The following SLC4A4 variants were observed in gnomAD, a reference collection of about 807,000 sequenced individuals.
SLC4A4 encodes the protein electrogenic sodium bicarbonate cotransporter 1.
A neutral mutation model predicts 111.5 loss-of-function variants in SLC4A4; 27 were observed. That is an observed-to-expected ratio of 0.24 (90% CI 0.18 to 0.33). The LOEUF (loss-of-function observed/expected upper bound fraction) is 0.33. SLC4A4 is among the 10% of genes least tolerant of loss of function. The pLI, the probability that SLC4A4 is intolerant of heterozygous loss-of-function variation, is 1.00. For synonymous variants in SLC4A4, 443 were observed against 463.4 expected (o/e 0.96, Z 0.57); for missense variants, 909 against 1,315.5 (o/e 0.69, Z 4.78).
chr4:71,545,036 T>C (rs1735397303), intron 18 of SLC4A4, among the ~76,000 whole-genome samples: 1 of 152,056 alleles, frequency 6.6e-6, no homozygotes, highest in Admixed American at 6.6e-5. Context: ...ACCTCTGCCC[T>C]CCTTTCCTCT....
intron 16 of SLC4A4, among the ~76,000 whole-genome samples, chr4:71,511,208 G>A (rs751296647): frequency 1.3e-5 from 2 of 151,996 alleles, no homozygotes; most frequent in Admixed American, 6.6e-5. Flanking sequence ...TTATCAGTGA[G>A]TTTTATACTT....
chr4:71,135,409 C>G (rs899281966), intron 2 of SLC4A4, among the ~76,000 whole-genome samples: 1 of 151,164 alleles, frequency 6.6e-6, no homozygotes, highest in East Asian at 2.0e-4. Context: ...GGTTCTCCTG[C>G]CTCAGCCTCC....
At chr4:71,291,678 C>A (rs1724363273) in intron 3 of SLC4A4, among the ~76,000 whole-genome samples, 1 of 152,196 alleles carries the variant, frequency 6.6e-6, no homozygotes, top group South Asian at 2.1e-4. Flanking sequence ...CTCATAGGCA[C>A]CCCAAAAGGG....
chr4:71,224,299 G>A (rs551027342), intron 1 of SLC4A4, among the ~76,000 whole-genome samples: 5 of 152,216 alleles, frequency 3.3e-5, no homozygotes, highest in African/African-American at 1.2e-4. Flanking sequence ...TCCTCCTCCC[G>A]CTCTTGTTCC....
intron 16 of SLC4A4, among the ~76,000 whole-genome samples, chr4:71,518,281 G>C (rs1732596903): frequency 6.6e-6 from 1 of 152,252 alleles, no homozygotes; most frequent in African/African-American, 2.4e-5. Flanking sequence ...CAACCACAGA[G>C]GCTGTCCTGA....
At chr4:71,314,498 C>T (rs1219835668) in intron 3 of SLC4A4, among the ~76,000 whole-genome samples, 2 of 152,110 alleles carry the variant, frequency 1.3e-5, no homozygotes, top group African/African-American at 2.4e-5. Flanking sequence ...TTTACAATAG[C>T]AACAACTTGG....
chr4:71,163,948 G>A (rs1347557113), intron 2 of SLC4A4, among the ~76,000 whole-genome samples: 1 of 152,148 alleles, frequency 6.6e-6, no homozygotes, highest in Non-Finnish European at 1.5e-5. Flanking sequence ...AAACTCTTCA[G>A]AAAAAAGGAA....
chr4:71,519,842 G>T (rs1469111277), intron 16 of SLC4A4, among the ~76,000 whole-genome samples: 1 of 151,964 alleles, frequency 6.6e-6, no homozygotes, highest in South Asian at 2.1e-4. Flanking sequence ...TAGAGACTGG[G>T]TTTCACCATG....
intron 7 of SLC4A4, among the ~76,000 whole-genome samples, chr4:71,404,538 G>T (rs964693199): frequency 6.6e-6 from 1 of 152,164 alleles, no homozygotes; most frequent in African/African-American, 2.4e-5. Context: ...CATTCTGCCA[G>T]TATGCCAATA....
chr4:71,474,429 T>A lies in SLC4A4; in HGVS notation c.1903+1459T>A, dbSNP rs564484944. On this transcript the variant is annotated intron_variant, in intron 14 of 25. Coordinates refer to ENST00000264485, the MANE Select transcript of SLC4A4 (RefSeq NM_001098484.3). ...ACTAGAATGCAGAATGCTTATGAAT[T>A]TAAAAAATAAGCAAGATACTACTTT... Among the ~76,000 whole-genome samples the A allele has an allele frequency of 1.1e-4, 17 of 151,994 alleles. No homozygotes were observed. In the South Asian group the frequency reaches 3.5e-3, roughly 32 times the overall value.
intron 1 of SLC4A4, among the ~76,000 whole-genome samples, chr4:71,080,598 T>C (rs952708725): frequency 1.3e-5 from 2 of 152,112 alleles, no homozygotes; most frequent in Non-Finnish European, 2.9e-5. Context: ...TTTCTCACTT[T>C]GATTATTTTT....
At chr4:71,085,778 C>A (rs1174036445) in intron 1 of SLC4A4, among the ~76,000 whole-genome samples, 1 of 152,028 alleles carries the variant, frequency 6.6e-6, no homozygotes, top group Non-Finnish European at 1.5e-5. Context: ...TGTTTTGGTA[C>A]CAATACCATG....
chr4:71,188,981 A>C (rs1399711110), intron 1 of SLC4A4, among the ~76,000 whole-genome samples: 1 of 152,176 alleles, frequency 6.6e-6, no homozygotes, highest in Non-Finnish European at 1.5e-5. Context: ...ATTTGTTTTA[A>C]CTGTATCCCA....
At chr4:71,454,154 T>C (rs1402718147) in intron 12 of SLC4A4, among the ~76,000 whole-genome samples, 1 of 152,202 alleles carries the variant, frequency 6.6e-6, no homozygotes, top group Non-Finnish European at 1.5e-5. Context: ...TTAATGAATA[T>C]AAGCTAACAG....
intron 6 of SLC4A4, among the ~76,000 whole-genome samples, chr4:71,379,527 A>C (rs1717894976): frequency 6.6e-6 from 1 of 152,068 alleles, no homozygotes; most frequent in South Asian, 2.1e-4. Context: ...ATCGCACTGC[A>C]CAAATAACTC....
intron 2 of SLC4A4, among the ~76,000 whole-genome samples, chr4:71,176,383 G>GT (rs746633182): frequency 2.6e-5 from 4 of 152,146 alleles, no homozygotes; most frequent in Non-Finnish European, 5.9e-5. Context: ...ACTACTCCGA[G>GT]CTAAAGGAGG....
chr4:71,361,372 C>CA (rs891171360), intron 6 of SLC4A4, among the ~76,000 whole-genome samples: 3 of 151,878 alleles, frequency 2.0e-5, no homozygotes, highest in African/African-American at 7.3e-5. Flanking sequence ...TAAAAAGGAG[C>CA]AAAAAACATT....
chr4:71,358,314 G>GAA (rs757154295), intron 6 of SLC4A4, among the ~76,000 whole-genome samples: 9 of 120,486 alleles, frequency 7.5e-5, no homozygotes, highest in African/African-American at 6.1e-5. Flanking sequence ...GACTCCGTCT[G>GAA]AAAAAAAAAA....
chr4:71,444,075 A>T (rs1725011208), intron 8 of SLC4A4, among the ~76,000 whole-genome samples: 1 of 152,182 alleles, frequency 6.6e-6, no homozygotes. Flanking sequence ...TGAGAGAAGG[A>T]TATAAAGGAT....
Sources: allele counts gnomAD v4.1 joint callset (sites outside exome capture counted in the v4.1 genomes callset), GRCh38; gene constraint gnomAD v4.1.1; transcripts MANE v1.5; gene names NCBI Gene and HGNC (gene_info 2026-07-23, HGNC 2026-07-21).